COL16A1: variants seen among roughly 807,000 people sequenced by gnomAD.
COL16A1 encodes collagen type XVI alpha 1 chain, also known as collagen alpha-1(XVI) chain.
Under a neutral mutation model 266.3 loss-of-function variants are expected in COL16A1, and 189 were observed. That is an observed-to-expected ratio of 0.71 (90% CI 0.63 to 0.80). The LOEUF (loss-of-function observed/expected upper bound fraction) is 0.80. COL16A1 is among the 30% of genes least tolerant of loss of function. The pLI is 0.00. For missense variants in COL16A1, 1,928 were observed against 2,122.4 expected (o/e 0.91, Z 1.80); for synonymous variants, 740 against 782.3 (o/e 0.95, Z 0.90).
rs551115351 is a variant in COL16A1, at chr1:31,656,982, G to A, written c.4056+51C>T. ...AAATGAAGAGGGGTCAGGGCAAGGC[G>A]AGGAGCAAGAAGCACCCCCAAGGAA... On this transcript the variant is annotated intron_variant, in intron 65 of 70. Coordinates refer to ENST00000373672, the MANE Select transcript of COL16A1 (RefSeq NM_001856.4). The surrounding 1 kb of genome is among the most constrained non-coding windows in gnomAD (Gnocchi z 4.2). 115 of 1,613,344 alleles carry A rather than the reference G, an allele frequency of 7.1e-5. No individual in the cohort carries two copies. The South Asian group carries it at 7.7e-4, about 11-fold the overall frequency.
chr1:31,695,299 C>G, intron 10 of COL16A1, 78 bp from the exon 11 acceptor site: 4 of 1,380,826 alleles, frequency 2.9e-6, no homozygotes, highest in Non-Finnish European at 4.1e-6. Context: ...ACCACCAGGC[C>G]CACAGAACAT....
chr1:31,655,918 C>A, intron 66 of COL16A1: 1 of 292,524 alleles, frequency 3.4e-6, no homozygotes. Flanking sequence ...CAGTGCACCC[C>A]TCCTGAGCTG....
At chr1:31,666,185 G>A in intron 52 of COL16A1, 104 bp from the exon 53 acceptor site, 1 of 1,260,764 alleles carries the variant, frequency 7.9e-7, no homozygotes, top group South Asian at 1.4e-5. Flanking sequence ...GGCATGTGCT[G>A]GGAGGCCCCT....
rs368566058 is a variant in COL16A1 at position 31,680,964 on chromosome 1, T to C, written c.2584-33A>G. 4.3e-6 allele frequency: 7 copies of C among 1,613,918 alleles called. No individual in the cohort carries two copies. In the African/African-American group the frequency reaches 6.7e-5, roughly 15 times the overall value. ...GAAGAAACACAGGAAGGTGAGCAGATAGGGGTGCCGAGGCAGGGCCGGCCA... is the reference window on the plus strand; with the variant it reads ...GAAGAAACACAGGAAGGTGAGCAGACAGGGGTGCCGAGGCAGGGCCGGCCA... On this transcript the variant is annotated intron_variant, in intron 38 of 70. Coordinates refer to ENST00000373672, the MANE Select transcript of COL16A1 (RefSeq NM_001856.4).
At chr1:31,655,623 C>A (rs75341435) in intron 66 of COL16A1, 121 bp from the exon 67 acceptor site, 4 of 1,503,794 alleles carry the variant, frequency 2.7e-6, no homozygotes, top group Non-Finnish European at 3.6e-6. Context: ...GCCACAGCAT[C>A]CTGACAGGTC....
At position 31,699,930 on chromosome 1, in the gene COL16A1, C is replaced by A; in HGVS notation, c.149G>T (p.Gly50Val). Residue 50 changes from glycine to valine, a missense_variant and splice_region_variant, in exon 4 of 71, where the codon GGC (glycine) becomes GTC (valine). Coordinates refer to ENST00000373672, the MANE Select transcript of COL16A1 (RefSeq NM_001856.4). ...GCTGAGTCGGTGGATGAGGTTGAAG[C>A]CTTTGGGGGAGACATCAGGTGAAGA... ...HSSSLPANVTGFNLIHRLSLM... is the reference protein window; with the variant it reads ...HSSSLPANVTVFNLIHRLSLM... The A allele has an allele frequency of 6.2e-7, 1 of 1,610,052 alleles. No individual in the cohort carries two copies.
Position 31,656,087 on chromosome 1 carries a change from C to T in COL16A1, c.4101+313G>A, listed in dbSNP as rs1389048481. ...ATTGTGAGCACCTATTGTTCAGGGA[C>T]CTCTGTTTACCTGAGGCCAGGACAA... On this transcript the variant is annotated intron_variant, in intron 66 of 70. Coordinates refer to ENST00000373672, the MANE Select transcript of COL16A1 (RefSeq NM_001856.4). This position sits in a 1 kb window ranked among gnomAD's most constrained non-coding sequence, Gnocchi z 4.2. 1 of 442,648 alleles carries T rather than the reference C, an allele frequency of 2.3e-6. No individual in the cohort carries two copies. Among genetic ancestry groups the T allele is most frequent in the Non-Finnish European group, 4.1e-6 (1 of 245,438 alleles). The allele number at this position is 442,648 out of a possible 1,614,324, so 27.4% of individuals were successfully genotyped here. A position where few individuals can be genotyped will look rare whatever the true frequency, so the allele number is the denominator to read the frequency against.
intron 63 of COL16A1, 52 bp from the exon 64 acceptor site, chr1:31,658,629 A>G: frequency 1.4e-6 from 2 of 1,466,724 alleles, no homozygotes; most frequent in Non-Finnish European, 1.9e-6. Context: ...GGCAAAGTGG[A>G]CTCCCATATA....
chr1:31,665,455 C>T, intron 55 of COL16A1, 128 bp downstream of exon 55: 1 of 1,553,254 alleles, frequency 6.4e-7, no homozygotes. Context: ...CCTGGCCACC[C>T]AGGCCGTTCT....
chr1:31,686,387 C>G, intron 26 of COL16A1, 108 bp from the exon 27 acceptor site: 1 of 1,433,582 alleles, frequency 7.0e-7, no homozygotes, highest in Non-Finnish European at 9.7e-7. Context: ...TCCAGACTAC[C>G]CTCTCATGTC....
chr1:31,662,465 T>G, intron 57 of COL16A1, 78 bp from the exon 58 acceptor site: 1 of 1,568,356 alleles, frequency 6.4e-7, no homozygotes, highest in Non-Finnish European at 8.7e-7. Flanking sequence ...AACCCCTCAA[T>G]TCTCTCCACC....
At chr1:31,673,147 G>C in intron 44 of COL16A1, 1 of 437,116 alleles carries the variant, frequency 2.3e-6, no homozygotes, top group Non-Finnish European at 4.3e-6. Flanking sequence ...TGTCCCGGCT[G>C]TTCCTGCAAC....
In COL16A1 at chr1:31,656,937, G is replaced by A; in HGVS notation, c.4056+96C>T. 1 of 1,545,756 alleles carries A rather than the reference G, an allele frequency of 6.5e-7. No individual in the cohort carries two copies. ...AATTTCCAGAGACAGCCCGTACATAGAAGGAATGTTTACTGAAAAAAATGA... is the reference window on the plus strand; with the variant it reads ...AATTTCCAGAGACAGCCCGTACATAAAAGGAATGTTTACTGAAAAAAATGA... On this transcript the variant is annotated intron_variant, in intron 65 of 70. Transcript: ENST00000373672. The surrounding 1 kb of genome is among the most constrained non-coding windows in gnomAD (Gnocchi z 4.2).
chr1:31,674,929 C>T (rs372126181), intron 44 of COL16A1, 78 bp downstream of exon 44: 35 of 1,576,678 alleles, frequency 2.2e-5, no homozygotes, highest in Non-Finnish European at 2.7e-5. Flanking sequence ...AGGTGCCACA[C>T]AGCTGAGCAC....
chr1:31,659,922 T>C (rs1641495450), intron 62 of COL16A1: 2 of 149,940 alleles, frequency 1.3e-5, no homozygotes. Context: ...CCCCTTGAGA[T>C]GCATAAAAAT....
Position 31,697,049 on chromosome 1 carries a change from T to C in COL16A1, c.778A>G (p.Ser260Gly). Reference sequence around the variant, plus strand: ...GGATTGATCTCAATGAGCTCATTGCTCTGGGTGTCCCGGCGGGCCTTGGAG... The same window carrying C: ...GGATTGATCTCAATGAGCTCATTGCCCTGGGTGTCCCGGCGGGCCTTGGAG... ...ETSKARRDTQSNELIEINPQS... is the reference protein window; with the variant it reads ...ETSKARRDTQGNELIEINPQS... The change falls in exon 8 of 71, where the codon AGC becomes GGC. Residue 260 changes from serine (S) to glycine (G), a missense_variant. By Grantham distance (56) the Ser-to-Gly change is moderately conservative. Coordinates refer to ENST00000373672, the MANE Select transcript of COL16A1 (RefSeq NM_001856.4). This position sits in a 1 kb window ranked among gnomAD's most constrained non-coding sequence, Gnocchi z 4.2. The C allele has an allele frequency of 6.2e-7, 1 of 1,614,180 alleles. No individual in the cohort carries two copies. Among genetic ancestry groups the C allele is most frequent in the Non-Finnish European group, 8.5e-7 (1 of 1,180,020 alleles).
chr1:31,660,935 G>A (rs1641600223), intron 61 of COL16A1, 131 bp downstream of exon 61: 1 of 1,044,878 alleles, frequency 9.6e-7, no homozygotes, highest in East Asian at 2.6e-5. Context: ...AGTGTTGGGT[G>A]ACACCCCTCC....
intron 44 of COL16A1, 193 bp from the exon 45 acceptor site, chr1:31,673,033 T>C (rs570070163): frequency 1.8e-5 from 12 of 665,272 alleles, no homozygotes; most frequent in African/African-American, 1.4e-4. Context: ...CTCCCAACAA[T>C]TGGCTTTGAG....
chr1:31,683,005 G>A lies in COL16A1; in HGVS notation c.2470-3C>T. 6.2e-7 allele frequency: 1 copy of A among 1,614,028 alleles called. No individual in the cohort carries two copies. The highest frequency in any genetic ancestry group is 8.5e-7 in the Non-Finnish European group (1 of 1,180,010). On this transcript the variant is annotated splice_polypyrimidine_tract_variant and splice_region_variant and intron_variant, in intron 36 of 70. Transcript: ENST00000373672. ...GCTCCTTTCACCCCTGGAGATCCCT[G>A]TGTAAGAGAAGGTACAAAGGTCTCA...
Sources: gnomAD v4.1 joint callset for allele counts on GRCh38, gnomAD v4.1.1 for gene constraint, Gnocchi (gnomAD v3.1) non-coding constraint, MANE v1.5 for transcripts, NCBI Gene and HGNC (gene_info 2026-07-23, HGNC 2026-07-21) for gene names.